The following SYNE2 variants were observed in gnomAD, a reference collection of about 807,000 sequenced individuals.
SYNE2 encodes the protein spectrin repeat containing nuclear envelope protein 2, also known as nesprin-2.
A neutral mutation model predicts 856.3 loss-of-function variants in SYNE2; 431 were observed. The ratio of observed to expected loss-of-function variants is 0.50; its 90% CI spans 0.47 to 0.55. The LOEUF (loss-of-function observed/expected upper bound fraction) is 0.55. Among genes scored for constraint, SYNE2 ranks in the 20% least tolerant of loss-of-function variants. The pLI, the probability that SYNE2 is intolerant of heterozygous loss-of-function variation, is 0.00. For missense variants in SYNE2, 8,129 were observed against 8,023.2 expected (o/e 1.01, Z -0.50); for synonymous variants, 2,923 against 2,872.3 (o/e 1.02, Z -0.56).
rs571820212 is a variant in SYNE2 at position 63,877,203 on chromosome 14, A to G, written c.-52+24060A>G. Among the ~76,000 whole-genome samples the G allele has an allele frequency of 3.3e-5, 5 of 152,288 alleles. No homozygotes were observed. The South Asian group carries it at 1.0e-3, about 32-fold the overall frequency. On this transcript the variant is annotated intron_variant, in intron 1 of 115. Coordinates refer to ENST00000555002, the MANE Select transcript of SYNE2 (RefSeq NM_182914.3). Reference sequence around the variant, plus strand: ...TAGATTATGGGAAGCCTTCAGGGAGAGACAAAAAGGTGCACCATGACTGCT... The same window carrying G: ...TAGATTATGGGAAGCCTTCAGGGAGGGACAAAAAGGTGCACCATGACTGCT...
intron 99 of SYNE2, among the ~76,000 whole-genome samples, chr14:64,191,977 G>C (rs576974151): frequency 1.3e-5 from 2 of 152,186 alleles, no homozygotes; most frequent in African/African-American, 2.4e-5. Context: ...CTGCTGTGAG[G>C]ATATGTGTCA....
At chr14:63,859,059 G>A (rs549925767) in intron 1 of SYNE2, among the ~76,000 whole-genome samples, 1 of 152,142 alleles carries the variant, frequency 6.6e-6, no homozygotes, top group Non-Finnish European at 1.5e-5. Context: ...GGTAATTTTT[G>A]GAGACAGTGT....
chr14:64,081,434 C>T lies in SYNE2; in HGVS notation c.11347-9C>T. ...TCTGACTAAGTTTGGTCCTGCATCT[C>T]TTTCCCAGGCCACAGTTAAGATGGA... On this transcript the variant is annotated splice_polypyrimidine_tract_variant and intron_variant, in intron 56 of 115. Coordinates refer to ENST00000555002, the MANE Select transcript of SYNE2 (RefSeq NM_182914.3). 1 of 1,614,148 alleles carries T rather than the reference C, an allele frequency of 6.2e-7. No individual in the cohort carries two copies. The highest frequency in any genetic ancestry group is 8.5e-7 in the Non-Finnish European group (1 of 1,180,026).
At chr14:64,143,628 T>G (rs1023008184) in intron 82 of SYNE2, 144 bp from the exon 83 acceptor site, 1 of 813,712 alleles carries the variant, frequency 1.2e-6, no homozygotes, top group Admixed American at 1.9e-5. Context: ...CTGGTGTAGG[T>G]TGGGGAGGGT....
At chr14:63,940,263 C>T (rs1006059099) in intron 2 of SYNE2, among the ~76,000 whole-genome samples, 1 of 151,962 alleles carries the variant, frequency 6.6e-6, no homozygotes, top group Admixed American at 6.6e-5. Flanking sequence ...TGTATGTTGT[C>T]CAGGCTGGTC....
At chr14:64,192,788 C>G (rs1016429615) in intron 99 of SYNE2, among the ~76,000 whole-genome samples, 1 of 152,188 alleles carries the variant, frequency 6.6e-6, no homozygotes, top group Non-Finnish European at 1.5e-5. Flanking sequence ...TGTCACTTCC[C>G]TGACAGCCCA....
chr14:63,771,577 A>T (rs1886914582), intron 1 of SYNE2, among the ~76,000 whole-genome samples: 1 of 152,210 alleles, frequency 6.6e-6, no homozygotes, highest in African/African-American at 2.4e-5. Context: ...GAAACGTCAT[A>T]GAAGGATAAA....
chr14:64,158,767 C>A lies in SYNE2; in HGVS notation c.15935C>A (p.Thr5312Asn). ...AAGCCTGTGGTGTTATCATTGGAGACCTTGAGATGCCAGGTGGAGAACCTT... is the reference window on the plus strand; with the variant it reads ...AAGCCTGTGGTGTTATCATTGGAGAACTTGAGATGCCAGGTGGAGAACCTT... ...HSKPVVLSLE[T>N]LRCQVENLQS... The change falls in exon 86 of 116, where the codon ACC (threonine) becomes AAC (asparagine). Residue 5312 changes from threonine to asparagine, a missense_variant. By Grantham distance (65) the Thr-to-Asn change is moderately conservative (BLOSUM62 0). Around this residue, in one of 3 missense-constraint regions of SYNE2, gnomAD observed 5,410 missense variants for 5,284.8 expected, o/e 1.02. Coordinates refer to ENST00000555002, the MANE Select transcript of SYNE2 (RefSeq NM_182914.3). 1.9e-6 allele frequency: 3 copies of A among 1,613,820 alleles called. No homozygotes were observed. The African/African-American group carries it at 4.0e-5, about 22-fold the overall frequency.
At chr14:63,872,050 T>C (rs1009199976) in intron 1 of SYNE2, among the ~76,000 whole-genome samples, 9 of 152,154 alleles carry the variant, frequency 5.9e-5, no homozygotes, top group Admixed American at 5.9e-4. Flanking sequence ...TTTCAAAGTA[T>C]TTGACAGCTG....
intron 79 of SYNE2, 55 bp downstream of exon 79, chr14:64,138,038 G>A (rs546434823): frequency 3.0e-5 from 47 of 1,566,058 alleles, no homozygotes; most frequent in African/African-American, 1.6e-4. Context: ...GAAAGACCTC[G>A]GGGATTCTGT....
chr14:64,161,220 G>T (rs2098326922), intron 87 of SYNE2, among the ~76,000 whole-genome samples: 1 of 151,934 alleles, frequency 6.6e-6, no homozygotes, highest in South Asian at 2.1e-4. Flanking sequence ...GCATGCACCT[G>T]TGGTCCTAGC....
In SYNE2 at chr14:63,971,120, G is replaced by GTTT. The variant is rs61322567; in HGVS notation, c.1128+3285_1128+3287dup. Among the ~76,000 whole-genome samples the GTTT allele has an allele frequency of 6.2e-3, 874 of 140,748 alleles. 15 individuals carry two copies. The highest frequency in any genetic ancestry group is 0.036 in the East Asian group (174 of 4,864). 92.3% of individuals were successfully genotyped at this position (140,748 alleles called of 152,430 possible). Reference sequence around the variant, plus strand: ...TTACAGTCTACTTAGAGGTTTTTTGGTTTTTTTTTTTTTGAGACAGGGTCT... The same window carrying GTTT: ...TTACAGTCTACTTAGAGGTTTTTTGGTTTTTTTTTTTTTTTTGAGACAGGGTCT... On this transcript the variant is annotated intron_variant, in intron 11 of 115. Coordinates refer to ENST00000555002, the MANE Select transcript of SYNE2 (RefSeq NM_182914.3).
chr14:64,182,058 G>A (rs970959721), intron 96 of SYNE2, among the ~76,000 whole-genome samples: 1 of 152,072 alleles, frequency 6.6e-6, no homozygotes, highest in Non-Finnish European at 1.5e-5. Context: ...TTATATACCC[G>A]TTCTTTTTTG....
At chr14:63,984,330 A>G (rs2096609118) in intron 18 of SYNE2, among the ~76,000 whole-genome samples, 1 of 152,254 alleles carries the variant, frequency 6.6e-6, no homozygotes, top group Admixed American at 6.5e-5. Flanking sequence ...TTTCCTAGGA[A>G]AATGCTTAAA....
intron 54 of SYNE2, among the ~76,000 whole-genome samples, chr14:64,076,356 A>G (rs574797452): frequency 6.6e-6 from 1 of 152,302 alleles, no homozygotes; most frequent in South Asian, 2.1e-4. Flanking sequence ...TAATACAGTT[A>G]TATAATATTT....
intron 32 of SYNE2, 75 bp downstream of exon 32, chr14:64,010,191 A>G: frequency 1.0e-5 from 15 of 1,462,936 alleles, no homozygotes. Flanking sequence ...GATATTATAG[A>G]TTAAGTCTTT....
intron 36 of SYNE2, 51 bp downstream of exon 36, chr14:64,021,566 T>C: frequency 6.2e-7 from 1 of 1,601,898 alleles, no homozygotes; most frequent in Non-Finnish European, 8.5e-7. Flanking sequence ...TTCACACTAT[T>C]TGCAGTTGTC....
At chr14:64,015,277 T>A (rs2096884019) in intron 32 of SYNE2, among the ~76,000 whole-genome samples, 1 of 151,856 alleles carries the variant, frequency 6.6e-6, no homozygotes, top group Admixed American at 6.6e-5. Context: ...CTGTTAAATC[T>A]CCTTTAGATG....
At chr14:63,809,638 T>C (rs1390148998) in intron 1 of SYNE2, among the ~76,000 whole-genome samples, 1 of 152,142 alleles carries the variant, frequency 6.6e-6, no homozygotes, top group African/African-American at 2.4e-5. Flanking sequence ...TAGCTGGGAC[T>C]CTAGGCACAT....
Sources: gnomAD v4.1 joint callset for allele counts (sites outside exome capture counted in the v4.1 genomes callset) on GRCh38, gnomAD v4.1.1 for gene constraint, gnomAD v4.1.1 regional missense constraint, MANE v1.5 for transcripts, NCBI Gene and HGNC (gene_info 2026-07-23, HGNC 2026-07-21) for gene names.